The following IGF2R variants were observed in gnomAD, a reference collection of about 807,000 sequenced individuals.
The protein encoded by IGF2R is cation-independent mannose-6-phosphate receptor.
IGF2R carries 91 observed loss-of-function variants against 270.6 expected under a neutral mutation model. The observed-to-expected ratio is 0.34, with a 90% CI of 0.28 to 0.40. IGF2R has a LOEUF of 0.40. IGF2R is among the 10% of genes least tolerant of loss of function. The pLI, the probability that IGF2R is intolerant of heterozygous loss-of-function variation, is 1.00. For missense variants in IGF2R, 2,805 were observed against 3,188.3 expected, an observed-to-expected ratio of 0.88 and a Z score of 2.90; for synonymous variants, 1,316 against 1,258.9, an observed-to-expected ratio of 1.05 and a Z score of -0.96.
rs1182076235 is a variant in IGF2R at position 160,032,757 on chromosome 6, G to C, written c.1045+44G>C. On this transcript the variant is annotated intron_variant, in intron 8 of 47. Coordinates refer to ENST00000356956, the MANE Select transcript of IGF2R (RefSeq NM_000876.4). ...CCTCCTGGCGCTGCTTAGGAAGAAG[G>C]GGATCGAGAGAGGGAACGGGACAGT... The C allele has an allele frequency of 2.5e-6, 4 of 1,598,878 alleles. No homozygotes were observed. In the South Asian group the frequency reaches 4.5e-5, roughly 18 times the overall value.
chr6:159,981,791 C>T (rs1783808450), intron 1 of IGF2R, among the ~76,000 whole-genome samples: 2 of 152,216 alleles, frequency 1.3e-5, no homozygotes, highest in South Asian at 4.1e-4. Context: ...ACGCAGTCCC[C>T]ATTGCCTGCC....
intron 36 of IGF2R, among the ~76,000 whole-genome samples, chr6:160,077,458 C>T (rs1465570792): frequency 6.6e-6 from 1 of 152,188 alleles, no homozygotes; most frequent in African/African-American, 2.4e-5. Context: ...TGCTTTGACT[C>T]TGCTGCCAAC....
chr6:159,971,500 A>G (rs764366371), intron 1 of IGF2R, among the ~76,000 whole-genome samples: 1 of 152,216 alleles, frequency 6.6e-6, no homozygotes, highest in Non-Finnish European at 1.5e-5. Flanking sequence ...TTTTCTTAGG[A>G]TGACAAATCT....
At chr6:160,068,066 GT>G (rs1246723675) in intron 29 of IGF2R, among the ~76,000 whole-genome samples, 182 bp from the exon 30 acceptor site, 441 of 39,170 alleles carry the variant, frequency 0.011, no homozygotes, top group East Asian at 0.054. Context: ...CTGATGGGGG[GT>G]GTGTGTGTGT....
At chr6:159,977,651 C>T (rs1235708004) in intron 1 of IGF2R, among the ~76,000 whole-genome samples, 1 of 152,204 alleles carries the variant, frequency 6.6e-6, no homozygotes, top group East Asian at 1.9e-4. Context: ...AGTTTTCTTT[C>T]TCTCTTTCCT....
At chr6:160,037,567 G>C (rs1777855242) in intron 10 of IGF2R, among the ~76,000 whole-genome samples, 1 of 152,158 alleles carries the variant, frequency 6.6e-6, no homozygotes, top group Admixed American at 6.5e-5. Flanking sequence ...TACTTTTCAG[G>C]ATGCAAGCGC....
intron 4 of IGF2R, among the ~76,000 whole-genome samples, chr6:160,014,558 C>G (rs902604597): frequency 2.6e-5 from 4 of 152,230 alleles, no homozygotes; most frequent in African/African-American, 4.8e-5. Flanking sequence ...CTCTAAGTGT[C>G]TTGGTGAAAT....
intron 41 of IGF2R, among the ~76,000 whole-genome samples, chr6:160,086,446 A>G (rs3798178): frequency 0.44 from 66,803 of 151,988 alleles, 15,218 homozygotes; most frequent in East Asian, 0.67. Context: ...TTTTGTTTTC[A>G]GAACCAACAT....
intron 42 of IGF2R, among the ~76,000 whole-genome samples, chr6:160,088,636 T>C (rs1199027893): frequency 6.6e-6 from 1 of 152,158 alleles, no homozygotes; most frequent in Admixed American, 6.5e-5. Flanking sequence ...CAGAACTGAT[T>C]CCTTCCAGAC....
chr6:160,072,897 GTC>G lies in IGF2R; in HGVS notation c.4690+18_4690+19del, dbSNP rs1302112722. On this transcript the variant is annotated intron_variant, in intron 33 of 47. Coordinates refer to ENST00000356956, the MANE Select transcript of IGF2R (RefSeq NM_000876.4). ...CCTCCTGGCGTGGGTGAGTGCTGTG[GTC>G]TCTCGTGTGTTGTCTGACTCTCCCG... 1.2e-6 allele frequency: 2 copies of G among 1,605,702 alleles called. No homozygotes were observed. The highest frequency in any genetic ancestry group is 1.1e-5 in the South Asian group (1 of 89,612).
intron 15 of IGF2R, 108 bp downstream of exon 15, chr6:160,046,753 T>A: frequency 8.5e-7 from 1 of 1,176,308 alleles, no homozygotes; most frequent in Non-Finnish European, 1.2e-6. Flanking sequence ...ATGACAAGCA[T>A]TTAAATACTG....
chr6:160,033,689 A>T (rs1011826117), intron 9 of IGF2R, among the ~76,000 whole-genome samples: 7 of 152,252 alleles, frequency 4.6e-5, no homozygotes, highest in Non-Finnish European at 1.0e-4. Flanking sequence ...AAAAGTATTT[A>T]ATGAGTTTAC....
At chr6:160,058,764 T>C in intron 21 of IGF2R, 142 bp from the exon 22 acceptor site, 3 of 695,356 alleles carry the variant, frequency 4.3e-6, no homozygotes, top group South Asian at 3.8e-5. Context: ...TGTACTAACA[T>C]GCCAGAAAGT....
Position 160,012,775 on chromosome 6 carries a change from TTTTG to T in IGF2R, c.513+2006_513+2009del, listed in dbSNP as rs1233894694. On this transcript the variant is annotated intron_variant, in intron 4 of 47. Coordinates refer to ENST00000356956, the MANE Select transcript of IGF2R (RefSeq NM_000876.4). ...TATATATATATATATTTTTTTTTTT[TTTTG>T]TTTGTTTGTTTGTTTATTTGTTTGT... Among the ~76,000 whole-genome samples, 325 of 127,948 alleles carry T rather than the reference TTTTG, an allele frequency of 2.5e-3. 7 individuals carry two copies. The highest frequency in any genetic ancestry group is 0.012 in the Middle Eastern group (3 of 260). The allele number at this position is 127,948 out of a possible 152,430, so 83.9% of individuals were successfully genotyped here.
intron 1 of IGF2R, among the ~76,000 whole-genome samples, chr6:159,976,815 G>A (rs1282626149): frequency 6.6e-6 from 1 of 152,244 alleles, no homozygotes; most frequent in Admixed American, 6.5e-5. Flanking sequence ...AAATGTGGTG[G>A]AACTTACTGA....
At chr6:160,040,442 C>T in intron 10 of IGF2R, 118 bp from the exon 11 acceptor site, 1 of 788,026 alleles carries the variant, frequency 1.3e-6, no homozygotes, top group Non-Finnish European at 2.1e-6. Flanking sequence ...AAAACCTGGA[C>T]CTGAATTTTT....
At position 160,107,779 on chromosome 6, in the gene IGF2R, AAC is replaced by A. The variant is rs1779653677; in HGVS notation, c.*2698_*2699del. On this transcript the variant is annotated 3_prime_UTR_variant, in exon 48 of 48. Coordinates refer to ENST00000356956, the MANE Select transcript of IGF2R (RefSeq NM_000876.4). ...CTTCACCAACCCTAAAATAATACGT[AAC>A]ACGAGATGATTCCTCAGGAAGGAAC... 6.6e-6 allele frequency: 1 copy of A among 152,238 alleles called. No individual in the cohort carries two copies. Among genetic ancestry groups the A allele is most frequent in the Non-Finnish European group, 1.5e-5 (1 of 68,032 alleles). 9.4% of individuals were successfully genotyped at this position (152,238 alleles called of 1,614,324 possible).
At chr6:160,103,703 CCT>C in intron 46 of IGF2R, 41 bp from the exon 47 acceptor site, 1 of 1,448,472 alleles carries the variant, frequency 6.9e-7, no homozygotes, top group Non-Finnish European at 9.7e-7. Context: ...CTGCCCATGC[CCT>C]CTCTACACTG....
intron 45 of IGF2R, among the ~76,000 whole-genome samples, chr6:160,100,939 T>C (rs1779472882): frequency 6.6e-6 from 1 of 150,920 alleles, no homozygotes; most frequent in Non-Finnish European, 1.5e-5. Context: ...TATGGGCGTG[T>C]GCCACTACCT....
Sources: allele counts gnomAD v4.1 joint callset (sites outside exome capture counted in the v4.1 genomes callset), GRCh38; gene constraint gnomAD v4.1.1; transcripts MANE v1.5; gene names NCBI Gene and HGNC (gene_info 2026-07-23, HGNC 2026-07-21).